The following PEBP4 variants were observed in gnomAD, a reference collection of about 807,000 sequenced individuals.
PEBP4 encodes the protein phosphatidylethanolamine-binding protein 4.
A neutral mutation model predicts 23.9 loss-of-function variants in PEBP4; 22 were observed. That is an observed-to-expected ratio of 0.92 (90% CI 0.66 to 1.31). The LOEUF is 1.31. PEBP4 is among the 40% of genes most tolerant of loss of function. PEBP4 has a pLI of 0.00. For synonymous variants in PEBP4, 112 were observed against 99.3 expected (o/e 1.13, Z -0.76); for missense variants, 324 against 281.7 (o/e 1.15, Z -1.07).
At chr8:22,767,085 C>T (rs1805626684) in intron 4 of PEBP4, among the ~76,000 whole-genome samples, 1 of 152,232 alleles carries the variant, frequency 6.6e-6, no homozygotes, top group Non-Finnish European at 1.5e-5. Context: ...TGTTCCGGAT[C>T]TAACAGATTC....
chr8:22,878,359 G>A (rs944620065), intron 3 of PEBP4, among the ~76,000 whole-genome samples: 1 of 152,054 alleles, frequency 6.6e-6, no homozygotes, highest in Admixed American at 6.6e-5. Context: ...GACCAGCATG[G>A]GCTCTGCGGG....
At chr8:22,718,994 C>T (rs1216745886) in intron 6 of PEBP4, among the ~76,000 whole-genome samples, 2 of 152,324 alleles carry the variant, frequency 1.3e-5, no homozygotes, top group Middle Eastern at 3.4e-3. Flanking sequence ...CCTTCTTTCT[C>T]ACCCACCGAG....
intron 4 of PEBP4, among the ~76,000 whole-genome samples, chr8:22,791,606 T>C (rs1806142580): frequency 6.6e-6 from 1 of 152,196 alleles, no homozygotes. Flanking sequence ...TAGGGTCCTC[T>C]ACATATTTTA....
chr8:22,828,424 C>T (rs982498741), intron 3 of PEBP4, among the ~76,000 whole-genome samples: 1 of 152,156 alleles, frequency 6.6e-6, no homozygotes, highest in African/African-American at 2.4e-5. Flanking sequence ...TCTCTAAACC[C>T]TTCCATTCTT....
At chr8:22,901,664 G>A (rs1002868219) in intron 3 of PEBP4, among the ~76,000 whole-genome samples, 9 of 152,318 alleles carry the variant, frequency 5.9e-5, no homozygotes, top group African/African-American at 1.4e-4. Flanking sequence ...AAAGGATCCC[G>A]GGCTGGGGGA....
intron 3 of PEBP4, among the ~76,000 whole-genome samples, chr8:22,866,363 C>A (rs140887895): frequency 1.3e-4 from 20 of 152,296 alleles, no homozygotes; most frequent in African/African-American, 4.8e-4. Context: ...TTGTACCCAG[C>A]AAGACGCTGA....
chr8:22,756,043 T>C (rs1805374012), intron 4 of PEBP4: 1 of 152,266 alleles, frequency 6.6e-6, no homozygotes, highest in Admixed American at 6.5e-5. Flanking sequence ...ATAATCATTA[T>C]AATGATGTAT....
In PEBP4 at chr8:22,778,846, T is replaced by C. The variant is rs1805864520; in HGVS notation, c.357+38791A>G. Among the ~76,000 whole-genome samples, 6 of 152,214 alleles carry C rather than the reference T, an allele frequency of 3.9e-5. 1 individual carries two copies. The South Asian group carries it at 1.2e-3, about 32-fold the overall frequency. ...CTGAAGGGGGATTTTTCGGGGTAAG[T>C]AAAGTCTTCAGCCAGTTTTAGTGCC... On this transcript the variant is annotated intron_variant, in intron 4 of 6. Transcript: ENST00000256404.
At chr8:22,752,220 G>A (rs114279670) in intron 4 of PEBP4, among the ~76,000 whole-genome samples, 4 of 152,234 alleles carry the variant, frequency 2.6e-5, no homozygotes, top group African/African-American at 9.6e-5. Context: ...CATCCTCCCT[G>A]TCTGTTACAT....
At chr8:22,860,994 A>G (rs545912585) in intron 3 of PEBP4, among the ~76,000 whole-genome samples, 65 of 152,372 alleles carry the variant, frequency 4.3e-4, no homozygotes, top group African/African-American at 1.5e-3. Context: ...TGCCCAGCAC[A>G]GTATATTCAA....
At chr8:22,810,209 T>G (rs12682168) in intron 4 of PEBP4, among the ~76,000 whole-genome samples, 28,111 of 152,194 alleles carry the variant, frequency 0.18, 3,389 homozygotes, top group South Asian at 0.27. Flanking sequence ...CCTTTCCTAC[T>G]TCCTTCCGCT....
At chr8:22,748,701 G>T (rs1805182457) in intron 4 of PEBP4, among the ~76,000 whole-genome samples, 1 of 151,998 alleles carries the variant, frequency 6.6e-6, no homozygotes, top group African/African-American at 2.4e-5. Context: ...ACAGCTTTTG[G>T]TAGTCTTGGG....
At chr8:22,830,864 C>A (rs1395572278) in intron 3 of PEBP4, among the ~76,000 whole-genome samples, 1 of 152,194 alleles carries the variant, frequency 6.6e-6, no homozygotes, top group Non-Finnish European at 1.5e-5. Flanking sequence ...CTTTGAAACC[C>A]TAAGCAATTT....
intron 4 of PEBP4, among the ~76,000 whole-genome samples, chr8:22,797,226 C>A (rs1167227574): frequency 1.4e-5 from 2 of 145,114 alleles, no homozygotes; most frequent in African/African-American, 2.6e-5. Context: ...GTACTCCAGC[C>A]TGGGCAACAA....
chr8:22,758,668 A>G (rs1805440615), intron 4 of PEBP4, among the ~76,000 whole-genome samples: 1 of 152,090 alleles, frequency 6.6e-6, no homozygotes. Context: ...AATGATGCCT[A>G]CTTCAGGGGC....
intron 4 of PEBP4, among the ~76,000 whole-genome samples, chr8:22,759,865 G>C (rs1051598180): frequency 6.6e-6 from 1 of 152,178 alleles, no homozygotes; most frequent in Admixed American, 6.5e-5. Flanking sequence ...GCTCAAGGCA[G>C]CGTCTCAGTG....
At chr8:22,836,501 C>T (rs1423628636) in intron 3 of PEBP4, among the ~76,000 whole-genome samples, 2 of 152,226 alleles carry the variant, frequency 1.3e-5, no homozygotes, top group Non-Finnish European at 2.9e-5. Context: ...CCGGCATCTC[C>T]GAATCAAGTG....
chr8:22,715,425 T>TATGCTG (rs3029506), intron 6 of PEBP4, among the ~76,000 whole-genome samples: 2 of 152,202 alleles, frequency 1.3e-5, no homozygotes, highest in East Asian at 1.9e-4. Context: ...TGCACGTGTG[T>TATGCTG]GTGCGCACGC....
chr8:22,815,030 G>A (rs1806708895), intron 4 of PEBP4: 1 of 152,086 alleles, frequency 6.6e-6, no homozygotes, highest in South Asian at 2.1e-4. Flanking sequence ...TGTGACTTGG[G>A]GTTAAGGGAC....
Sources: allele counts gnomAD v4.1 joint callset (sites outside exome capture counted in the v4.1 genomes callset), GRCh38; gene constraint gnomAD v4.1.1; transcripts MANE v1.5; gene names NCBI Gene and HGNC (gene_info 2026-07-23, HGNC 2026-07-21).